The following PPAN variants were observed in gnomAD, a reference collection of about 807,000 sequenced individuals.
The protein encoded by PPAN is suppressor of SWI4 1 homolog.
PPAN carries 39 observed loss-of-function variants against 48.5 expected under a neutral mutation model. The observed-to-expected ratio is 0.80, with a 90% CI of 0.62 to 1.05. PPAN has a LOEUF of 1.05. Ranked by LOEUF, PPAN falls within the 50% of genes least tolerant of loss-of-function variation. The pLI, the probability that PPAN is intolerant of heterozygous loss-of-function variation, is 0.00. For synonymous variants in PPAN, 315 were observed against 268.6 expected (o/e 1.17, Z -1.69); for missense variants, 736 against 661.7 (o/e 1.11, Z -1.23).
rs1188654705 is a variant in PPAN at position 10,106,388 on chromosome 19, C to T, written c.-7C>T. On this transcript the variant is annotated 5_prime_UTR_variant, in exon 1 of 12. Coordinates refer to ENST00000253107, the MANE Select transcript of PPAN (RefSeq NM_020230.7). ...GACGCAGGAGGCCTCGTGGAGGACA[C>T]AGCAGCATGGGACAGTCAGGGAGGG... 1.6e-5 allele frequency: 25 copies of T among 1,549,768 alleles called. No homozygotes were observed. The highest frequency in any genetic ancestry group is 2.0e-5 in the Non-Finnish European group (23 of 1,146,096).
chr19:10,109,163 C>T (rs137959225), intron 5 of PPAN, among the ~76,000 whole-genome samples: 27 of 152,162 alleles, frequency 1.8e-4, no homozygotes, highest in Non-Finnish European at 2.2e-4. Flanking sequence ...AGGATTTCAC[C>T]GTGTTAGCCA....
rs528872254 is a variant in PPAN at position 10,110,687 on chromosome 19, C to T, written c.1032-10C>T. ...TGGGCGGCTATGTTGACCCCCACGC[C>T]CTCCTCCAGAAAGAAGAGCCTGGAG... On this transcript the variant is annotated splice_polypyrimidine_tract_variant and intron_variant, in intron 10 of 11. Coordinates refer to ENST00000253107, the MANE Select transcript of PPAN (RefSeq NM_020230.7). The surrounding 1 kb of genome is among the most constrained non-coding windows in gnomAD (Gnocchi z 5.9). 3.6e-4 allele frequency: 574 copies of T among 1,613,118 alleles called. 6 individuals carry two copies. In the South Asian group the frequency reaches 5.7e-3, roughly 16 times the overall value.
In PPAN at chr19:10,108,046, T is replaced by A; in HGVS notation, c.425T>A (p.Val142Glu). 6.2e-7 allele frequency: 1 copy of A among 1,614,058 alleles called. No individual in the cohort carries two copies. Among genetic ancestry groups the A allele is most frequent in the African/African-American group, 1.3e-5 (1 of 75,054 alleles). Residue 142 changes from valine to glutamate, a missense_variant, in exon 5 of 12, where the codon GTA (valine) becomes GAA (glutamate). By Grantham distance (121) the Val-to-Glu change is moderately radical. Transcript: ENST00000253107. ...CAGTTTGCCCACCCACCCCTCCTGG[T>A]ACTCAACAGCTTTGGCCCCCATGGT... ...EQQFAHPPLLVLNSFGPHGMH... is the reference protein window; with the variant it reads ...EQQFAHPPLLELNSFGPHGMH...
rs1568485482 is a variant in PPAN, at chr19:10,110,267, A to T, written c.822+21A>T. 6.2e-7 allele frequency: 1 copy of T among 1,611,410 alleles called. No homozygotes were observed. Among genetic ancestry groups the T allele is most frequent in the Admixed American group, 1.7e-5 (1 of 59,874 alleles). On this transcript the variant is annotated intron_variant, in intron 8 of 11. Coordinates refer to ENST00000253107, the MANE Select transcript of PPAN (RefSeq NM_020230.7). The surrounding 1 kb of genome is among the most constrained non-coding windows in gnomAD (Gnocchi z 5.9). The stretch of plus-strand genomic sequence containing the variant: ...CCGAGGTGAGGCCCAGGGCAGGGGG[A>T]CCCCCGGGCTCCACCAGTCCCAACG...
At chr19:10,107,352 G>A (rs74479137) in intron 2 of PPAN, among the ~76,000 whole-genome samples, 153 bp from the exon 3 acceptor site, 1 of 152,194 alleles carries the variant, frequency 6.6e-6, no homozygotes, top group Non-Finnish European at 1.5e-5. Context: ...ATCTGCGTCC[G>A]ACTGACTCTA....
chr19:10,108,164 T>TG (rs757474274), intron 5 of PPAN, 30 bp downstream of exon 5: 74 of 1,587,098 alleles, frequency 4.7e-5, no homozygotes, highest in Middle Eastern at 3.5e-4. Flanking sequence ...GTGGCAGGTA[T>TG]GGGGGGGTGC....
rs372475445 is a variant in PPAN, at chr19:10,107,819, C to T, written c.307C>T (p.Pro103Ser). ...TNVYFKLMRL[P>S]GGPTLTFQVK... ...TCTCCTGCAGAAGCTGATGCGCCTC[C>T]CAGGAGGCCCCACCTTGACCTTCCA... Residue 103 changes from proline to serine, a missense_variant, in exon 4 of 12, where the codon CCA (proline) becomes TCA (serine). Pro to Ser is a moderately conservative substitution (Grantham distance 74). Coordinates refer to ENST00000253107, the MANE Select transcript of PPAN (RefSeq NM_020230.7). The T allele has an allele frequency of 1.3e-4, 213 of 1,613,598 alleles. No individual in the cohort carries two copies. The highest frequency in any genetic ancestry group is 1.7e-4 in the Non-Finnish European group (204 of 1,179,698).
chr19:10,106,968 C>G (rs1392194434), intron 2 of PPAN: 2 of 637,550 alleles, frequency 3.1e-6, no homozygotes, highest in Non-Finnish European at 5.7e-6. Flanking sequence ...GGGAGGATCA[C>G]TTGAGCCCAG....
At position 10,111,053 on chromosome 19, in the gene PPAN, C is replaced by G; in HGVS notation, c.1310C>G (p.Pro437Arg). 6.2e-7 allele frequency: 1 copy of G among 1,613,668 alleles called. No individual in the cohort carries two copies. Among genetic ancestry groups the G allele is most frequent in the Non-Finnish European group, 8.5e-7 (1 of 1,179,956 alleles). Residue 437 changes from proline to arginine, a missense_variant, in exon 12 of 12, where the codon CCC becomes CGC. Physicochemically the swap from Pro to Arg is moderately radical, Grantham distance 103 (BLOSUM62 -2). Transcript: ENST00000253107. Reference protein sequence around the residue: ...GRGRLCDQKFPKTKDKSQGAQ... With the variant: ...GRGRLCDQKFRKTKDKSQGAQ... ...GGTCGCCTTTGTGACCAGAAGTTTC[C>G]CAAGACCAAGGACAAGTCCCAGGGA...
At position 10,106,424 on chromosome 19, in the gene PPAN, C is replaced by T. The variant is rs369983672; in HGVS notation, c.18+12C>T. ...GACAGTCAGGGAGGGTAAGGCCCGGCAGCTTGGGAGGCAGGTGGCGCAGGT... is the reference window on the plus strand; with the variant it reads ...GACAGTCAGGGAGGGTAAGGCCCGGTAGCTTGGGAGGCAGGTGGCGCAGGT... On this transcript the variant is annotated intron_variant, in intron 1 of 11. Coordinates refer to ENST00000253107, the MANE Select transcript of PPAN (RefSeq NM_020230.7). The T allele has an allele frequency of 6.3e-5, 98 of 1,548,446 alleles. No homozygotes were observed. In the African/African-American group the frequency reaches 1.0e-3, roughly 16 times the overall value.
intron 5 of PPAN, 149 bp from the exon 6 acceptor site, chr19:10,109,482 T>C: frequency 1.0e-6 from 1 of 952,872 alleles, no homozygotes; most frequent in Non-Finnish European, 1.6e-6. Flanking sequence ...CTTCAGCCTC[T>C]GGAGTAGCTA....
chr19:10,110,756 C>T lies in PPAN; in HGVS notation c.1091C>T (p.Ser364Phe), dbSNP rs941512764. The T allele has an allele frequency of 6.2e-6, 10 of 1,613,938 alleles. No homozygotes were observed. The Admixed American group carries it at 1.3e-4, about 22-fold the overall frequency. The change falls in exon 11 of 12, where the codon TCT (serine) becomes TTT (phenylalanine). Residue 364 changes from serine (S) to phenylalanine (F), a missense_variant. By Grantham distance (155) the Ser-to-Phe change is radical. Coordinates refer to ENST00000253107, the MANE Select transcript of PPAN (RefSeq NM_020230.7). The surrounding 1 kb of genome is among the most constrained non-coding windows in gnomAD (Gnocchi z 5.9). ...GTCGGGGGTAGTGATGAAGAGGCCT[C>T]TGGGATCCCTTCAAGGACGGCGAGC... is the stretch of plus-strand genomic sequence containing the variant. ...ARVGGSDEEA[S>F]GIPSRTASLE...
At position 10,111,736 on chromosome 19, in the gene PPAN, C is replaced by T. The variant is rs1458591838; in HGVS notation, c.*571C>T. ...GGCACGGGAGCATGGCAGCCAACGT[C>T]TCGGGTAAGGAGAAGGCATGTTGGC... is the stretch of plus-strand genomic sequence containing the variant. On this transcript the variant is annotated 3_prime_UTR_variant, in exon 12 of 12. Transcript: ENST00000253107. 1 of 1,613,498 alleles carries T rather than the reference C, an allele frequency of 6.2e-7. No homozygotes were observed. Among genetic ancestry groups the T allele is most frequent in the Non-Finnish European group, 8.5e-7 (1 of 1,179,762 alleles).
In PPAN at chr19:10,110,715, C is replaced by T. The variant is rs1020174722; in HGVS notation, c.1050C>T (p.Gly350=). ...REAHRKKSLE[G]MKKARVGGSD... ...CCTCCAGAAAGAAGAGCCTGGAGGG[C>T]ATGAAGAAGGCACGGGTCGGGGGTA... The change falls in exon 11 of 12, where the codon GGC becomes GGT. Residue 350 remains glycine, a synonymous_variant. Coordinates refer to ENST00000253107, the MANE Select transcript of PPAN (RefSeq NM_020230.7). The surrounding 1 kb of genome is among the most constrained non-coding windows in gnomAD (Gnocchi z 5.9). 6.2e-7 allele frequency: 1 copy of T among 1,613,742 alleles called. No individual in the cohort carries two copies. Among genetic ancestry groups the T allele is most frequent in the Admixed American group, 1.7e-5 (1 of 60,010 alleles).
In PPAN at chr19:10,110,526, A is replaced by G. The variant is rs1385580369; in HGVS notation, c.943A>G (p.Lys315Glu). The G allele has an allele frequency of 2.5e-6, 4 of 1,612,274 alleles. No homozygotes were observed. Among genetic ancestry groups the G allele is most frequent in the Non-Finnish European group, 3.4e-6 (4 of 1,179,758 alleles). ...EEELQAILEA[K>E]EKKLRLKAQR... ...GGAGCTGCAGGCCATCCTGGAAGCC[A>G]AGGAGAAGAAGCTGCGGCTGAAGGC... is the stretch of plus-strand genomic sequence containing the variant. The change falls in exon 10 of 12, where the codon AAG becomes GAG. Residue 315 changes from lysine to glutamate, a missense_variant. Transcript: ENST00000253107. The surrounding 1 kb of genome is among the most constrained non-coding windows in gnomAD (Gnocchi z 5.9).
In PPAN at chr19:10,110,735, G is replaced by A. The variant is rs1363975875; in HGVS notation, c.1070G>A (p.Gly357Glu). ...SLEGMKKARV[G>E]GSDEEASGIP... ...GAGGGCATGAAGAAGGCACGGGTCG[G>A]GGGTAGTGATGAAGAGGCCTCTGGG... Residue 357 changes from glycine to glutamate, a missense_variant, in exon 11 of 12, where the codon GGG becomes GAG. Physicochemically the swap from Gly to Glu is moderately conservative, Grantham distance 98 (BLOSUM62 -2). Coordinates refer to ENST00000253107, the MANE Select transcript of PPAN (RefSeq NM_020230.7). The surrounding 1 kb of genome is among the most constrained non-coding windows in gnomAD (Gnocchi z 5.9). The A allele has an allele frequency of 1.9e-6, 3 of 1,613,942 alleles. No homozygotes were observed. Among genetic ancestry groups the A allele is most frequent in the Non-Finnish European group, 2.5e-6 (3 of 1,179,990 alleles).
In PPAN at chr19:10,110,790, G is replaced by A. The variant is rs17850562; in HGVS notation, c.1125G>A (p.Leu375=). ...CTTCAAGGACGGCGAGCCTGGAGTTGGGTGAGGACGATGATGAACAGGAAG... is the reference window on the plus strand; with the variant it reads ...CTTCAAGGACGGCGAGCCTGGAGTTAGGTGAGGACGATGATGAACAGGAAG... ...GIPSRTASLE[L]GEDDDEQEDD... is the part of the protein sequence containing the mutation. The change falls in exon 11 of 12, where the codon TTG becomes TTA. Residue 375 remains leucine (L), a synonymous_variant. Transcript: ENST00000253107. The surrounding 1 kb of genome is among the most constrained non-coding windows in gnomAD (Gnocchi z 5.9). 1 of 1,614,006 alleles carries A rather than the reference G, an allele frequency of 6.2e-7. No individual in the cohort carries two copies. Among genetic ancestry groups the A allele is most frequent in the South Asian group, 1.1e-5 (1 of 91,086 alleles).
At chr19:10,107,752 G>T (rs1368011941) in intron 3 of PPAN, 52 bp from the exon 4 acceptor site, 2 of 1,612,978 alleles carry the variant, frequency 1.2e-6, no homozygotes, top group Admixed American at 1.7e-5. Context: ...TGCCTACTCC[G>T]GGCACCTCTG....
In PPAN at chr19:10,111,148, G is replaced by A; in HGVS notation, c.1405G>A (p.Gly469Arg). The A allele has an allele frequency of 1.3e-6, 2 of 1,596,966 alleles. No individual in the cohort carries two copies. Among genetic ancestry groups the A allele is most frequent in the Non-Finnish European group, 1.7e-6 (2 of 1,173,330 alleles). The change falls in exon 12 of 12, where the codon GGG becomes AGG. Residue 469 changes from glycine (G) to arginine (R), a missense_variant. Coordinates refer to ENST00000253107, the MANE Select transcript of PPAN (RefSeq NM_020230.7). ...GCGAGGCCGGGGCCGGGGCCGCCCA[G>A]GGAAGAGAGTGGCCTGAGCCCAAGC... ...GGRGRGRGRP[G>R]KRVA
Sources: allele counts gnomAD v4.1 joint callset (sites outside exome capture counted in the v4.1 genomes callset), GRCh38; gene constraint gnomAD v4.1.1; non-coding constraint Gnocchi (gnomAD v3.1); transcripts MANE v1.5; gene names NCBI Gene and HGNC (gene_info 2026-07-23, HGNC 2026-07-21).